TMEFF1: variants seen among roughly 807,000 people sequenced by gnomAD.
TMEFF1 encodes the protein transmembrane protein with EGF like and two follistatin like domains 1.
In TMEFF1, 20 loss-of-function variants were observed where a neutral mutation model predicts 47.5. The observed-to-expected ratio is 0.42, with a 90% CI of 0.30 to 0.61. TMEFF1 has a LOEUF of 0.61. TMEFF1 is among the 20% of genes least tolerant of loss of function. The pLI is 0.19. For missense variants in TMEFF1, 411 were observed against 471.1 expected, an observed-to-expected ratio of 0.87 and a Z score of 1.18; for synonymous variants, 162 against 166.3, an observed-to-expected ratio of 0.97 and a Z score of 0.20.
intron 5 of TMEFF1, among the ~76,000 whole-genome samples, chr9:100,524,033 CT>C (rs1447361841): frequency 1.1e-4 from 16 of 152,228 alleles, no homozygotes; most frequent in African/African-American, 3.1e-4. Context: ...ACTTCCACCC[CT>C]GTTCCCAGTC....
intron 1 of TMEFF1, among the ~76,000 whole-genome samples, chr9:100,479,451 C>T (rs888104136): frequency 1.6e-4 from 25 of 152,118 alleles, no homozygotes; most frequent in African/African-American, 7.2e-5. Context: ...CAAAATTGTA[C>T]GACTGTCACC....
intron 1 of TMEFF1, among the ~76,000 whole-genome samples, chr9:100,475,183 G>T (rs971235864): frequency 1.3e-5 from 2 of 152,134 alleles, no homozygotes; most frequent in African/African-American, 4.8e-5. Flanking sequence ...AGTGAGGAAG[G>T]AGCAAGAGAG....
At chr9:100,535,227 T>C (rs1838479349) in intron 5 of TMEFF1, among the ~76,000 whole-genome samples, 1 of 152,232 alleles carries the variant, frequency 6.6e-6, no homozygotes, top group South Asian at 2.1e-4. Flanking sequence ...TCTTAATTCC[T>C]TTTATTTTTC....
chr9:100,529,617 ACTTAGACTC>A (rs1301997299), intron 5 of TMEFF1, among the ~76,000 whole-genome samples: 4 of 152,098 alleles, frequency 2.6e-5, no homozygotes, highest in Non-Finnish European at 4.4e-5. Flanking sequence ...CTACAGAGAG[ACTTAGACTC>A]CCACACATTA....
At chr9:100,574,250 A>C (rs1205699981) in intron 9 of TMEFF1, among the ~76,000 whole-genome samples, 1 of 152,214 alleles carries the variant, frequency 6.6e-6, no homozygotes, top group Non-Finnish European at 1.5e-5. Flanking sequence ...TGAAAAATTC[A>C]TTGGAGTAGT....
At chr9:100,541,998 C>G (rs1838643041) in intron 5 of TMEFF1, among the ~76,000 whole-genome samples, 1 of 152,020 alleles carries the variant, frequency 6.6e-6, no homozygotes, top group African/African-American at 2.4e-5. Flanking sequence ...AGCCAACTAC[C>G]TTTGTTATTT....
intron 1 of TMEFF1, among the ~76,000 whole-genome samples, chr9:100,475,566 G>T (rs554395503): frequency 6.6e-6 from 1 of 152,116 alleles, no homozygotes; most frequent in East Asian, 1.9e-4. Context: ...TTCTTGCTAA[G>T]CTAATTCGTT....
chr9:100,509,492 G>C (rs1224001583), intron 3 of TMEFF1, among the ~76,000 whole-genome samples: 1 of 152,144 alleles, frequency 6.6e-6, no homozygotes, highest in Non-Finnish European at 1.5e-5. Context: ...AGGTGAGGAA[G>C]GTCGGGTGCG....
intron 5 of TMEFF1, among the ~76,000 whole-genome samples, chr9:100,531,231 G>A (rs908759828): frequency 6.6e-6 from 1 of 152,102 alleles, no homozygotes; most frequent in Non-Finnish European, 1.5e-5. Context: ...TGGAAGTTCT[G>A]GCCAGGGCAA....
intron 3 of TMEFF1, among the ~76,000 whole-genome samples, chr9:100,512,094 A>C (rs1431805947): frequency 6.6e-6 from 1 of 152,210 alleles, no homozygotes; most frequent in East Asian, 1.9e-4. Flanking sequence ...TATGTAACCA[A>C]TCATTGTATG....
chr9:100,514,690 CAA>C (rs10549105), intron 4 of TMEFF1, among the ~76,000 whole-genome samples: 29,864 of 101,436 alleles, frequency 0.29, 3,145 homozygotes, highest in South Asian at 0.4. Context: ...GTCTCTACCC[CAA>C]AAAAAAAAAA....
chr9:100,495,300 A>G lies in TMEFF1; in HGVS notation c.197-3465A>G, dbSNP rs146746548. On this transcript the variant is annotated intron_variant, in intron 1 of 9. Transcript: ENST00000374879. ...TGGGCAATTAGAACATTCTATATTTAAAATATCTTTTCCAAATTCTTTATA... is the reference window on the plus strand; with the variant it reads ...TGGGCAATTAGAACATTCTATATTTGAAATATCTTTTCCAAATTCTTTATA... Among the ~76,000 whole-genome samples, 746 of 152,268 alleles carry G rather than the reference A, an allele frequency of 4.9e-3. 4 individuals are homozygous for G. Among genetic ancestry groups the G allele is most frequent in the African/African-American group, 0.017 (700 of 41,546 alleles).
At chr9:100,481,691 C>T (rs62579392) in intron 1 of TMEFF1, among the ~76,000 whole-genome samples, 32 of 152,184 alleles carry the variant, frequency 2.1e-4, no homozygotes, top group African/African-American at 7.0e-4. Flanking sequence ...CCTGGCGGTA[C>T]GATGAAAGAT....
At chr9:100,474,894 A>G (rs911086843) in intron 1 of TMEFF1, among the ~76,000 whole-genome samples, 1 of 152,122 alleles carries the variant, frequency 6.6e-6, no homozygotes, top group Non-Finnish European at 1.5e-5. Flanking sequence ...TCATTTCTAA[A>G]GGGGTCCCAG....
intron 1 of TMEFF1, 55 bp from the exon 2 acceptor site, chr9:100,498,706 GACAC>G (rs929237366): frequency 1.1e-5 from 17 of 1,522,646 alleles, no homozygotes; most frequent in African/African-American, 8.3e-5. Context: ...CACGCGCACA[GACAC>G]ACACACGTAA....
At chr9:100,525,024 C>T (rs376976933) in intron 5 of TMEFF1, among the ~76,000 whole-genome samples, 11 of 152,088 alleles carry the variant, frequency 7.2e-5, no homozygotes, top group Admixed American at 2.0e-4. Context: ...AAGTTGGGTA[C>T]GGTAGCACTA....
chr9:100,507,533 A>G (rs752400035), intron 2 of TMEFF1, among the ~76,000 whole-genome samples: 6 of 152,000 alleles, frequency 3.9e-5, no homozygotes, highest in Non-Finnish European at 5.9e-5. Context: ...TGACTTTTTA[A>G]TAATAGCCAT....
intron 5 of TMEFF1, among the ~76,000 whole-genome samples, chr9:100,532,685 C>A (rs1268447812): frequency 6.6e-6 from 1 of 150,554 alleles, no homozygotes; most frequent in East Asian, 2.0e-4. Context: ...TGTGGCGATT[C>A]CTCAGGGATC....
rs201449159 is a variant in TMEFF1 at position 100,550,206 on chromosome 9, G to A, written c.775+46G>A. The stretch of plus-strand genomic sequence containing the variant: ...AAATTTTGGCCAGCTATGGAAATAC[G>A]GTCACTAGCTGTCCTTATTAGTTCT... On this transcript the variant is annotated intron_variant, in intron 7 of 9. Transcript: ENST00000374879. The A allele has an allele frequency of 4.1e-4, 641 of 1,581,656 alleles. 1 individual carries two copies. Among genetic ancestry groups the A allele is most frequent in the Non-Finnish European group, 5.4e-4 (627 of 1,161,088 alleles).
Sources: allele counts gnomAD v4.1 joint callset (sites outside exome capture counted in the v4.1 genomes callset), GRCh38; gene constraint gnomAD v4.1.1; transcripts MANE v1.5; gene names NCBI Gene and HGNC (gene_info 2026-07-23, HGNC 2026-07-21).